The following PSORS1C2 variants were observed in gnomAD, a reference collection of about 807,000 sequenced individuals.
PSORS1C2 encodes psoriasis susceptibility 1 candidate 2, also known as psoriasis susceptibility 1 candidate gene 2 protein.
A neutral mutation model predicts 12.2 loss-of-function variants in PSORS1C2; 13 were observed. The ratio of observed to expected loss-of-function variants is 1.07; its 90% confidence interval spans 0.70 to 1.70. The LOEUF (loss-of-function observed/expected upper bound fraction) is 1.70, where lower values mean the gene tolerates loss of function less well. Among genes scored for constraint, PSORS1C2 ranks in the 40% most tolerant of loss-of-function variants. The probability of loss-of-function intolerance (pLI) is 0.00; values close to 1 mark genes in which losing one functional copy is unlikely to be tolerated. For missense variants in PSORS1C2, 186 were observed against 173.4 expected (o/e 1.07, Z -0.41); for synonymous variants, 76 against 69.2 (o/e 1.10, Z -0.49).
chr6:31,138,306 C>T lies in PSORS1C2; in HGVS notation c.56G>A (p.Gly19Asp). 1.3e-6 allele frequency: 2 copies of T among 1,598,448 alleles called. No homozygotes were observed. The highest frequency in any genetic ancestry group is 1.7e-6 in the Non-Finnish European group (2 of 1,171,972). ...GILVLCLHTR[G>D]ISGSEGHPSH... ...GGGGTGGCCCTCGCTGCCTGAGATGCCTGTAAAGGAGGAAGGAGAAAGGTA... is the reference window on the plus strand; with the variant it reads ...GGGGTGGCCCTCGCTGCCTGAGATGTCTGTAAAGGAGGAAGGAGAAAGGTA... Residue 19 changes from glycine (G) to aspartate (D), a missense_variant and splice_region_variant, in exon 2 of 2, where the codon GGC becomes GAC. Gly to Asp is a moderately conservative substitution (Grantham distance 94). Transcript: ENST00000259845.
At chr6:31,138,595 C>T in intron 1 of PSORS1C2, 2 of 1,611,460 alleles carry the variant, frequency 1.2e-6, no homozygotes, top group South Asian at 2.2e-5. Context: ...GTTGGGGTAC[C>T]CCACTAGCTT....
Sources: allele counts gnomAD v4.1 joint callset, GRCh38; gene constraint gnomAD v4.1.1; transcripts MANE v1.5; gene names NCBI Gene and HGNC (gene_info 2026-07-23, HGNC 2026-07-21).